Variants in DGKI observed in about 807,000 individuals in gnomAD.
DGKI encodes the protein DAG kinase iota.
In DGKI, 55 loss-of-function variants were observed where a neutral mutation model predicts 147.5. That is an observed-to-expected ratio of 0.37 (90% CI 0.30 to 0.47). The LOEUF is 0.47. Among genes scored for constraint, DGKI ranks in the 20% least tolerant of loss-of-function variants. DGKI has a pLI of 1.00. For synonymous variants in DGKI, 469 were observed against 477.1 expected, an observed-to-expected ratio of 0.98 and a Z score of 0.22; for missense variants, 1,007 against 1,323.8, an observed-to-expected ratio of 0.76 and a Z score of 3.71.
intron 19 of DGKI, among the ~76,000 whole-genome samples, chr7:137,563,469 G>T (rs965314451): frequency 2.0e-5 from 3 of 151,758 alleles, no homozygotes; most frequent in Non-Finnish European, 2.9e-5. Context: ...AAAATGGAAA[G>T]GCATGTAAGG....
At chr7:137,695,231 CA>C (rs1823743240) in intron 1 of DGKI, among the ~76,000 whole-genome samples, 1 of 152,196 alleles carries the variant, frequency 6.6e-6, no homozygotes, top group African/African-American at 2.4e-5. Flanking sequence ...CACTGTTCCA[CA>C]CAGATGTGCA....
At chr7:137,577,781 C>T (rs1819037288) in intron 16 of DGKI, among the ~76,000 whole-genome samples, 1 of 152,058 alleles carries the variant, frequency 6.6e-6, no homozygotes, top group South Asian at 2.1e-4. Flanking sequence ...CTACTATGAA[C>T]GTGCCTGAGA....
At chr7:137,484,108 A>G (rs73445394) in intron 23 of DGKI, among the ~76,000 whole-genome samples, 3,313 of 152,154 alleles carry the variant, frequency 0.022, 116 homozygotes, top group African/African-American at 0.076. Flanking sequence ...AGACAGATGG[A>G]AGAAAGAACT....
chr7:137,428,305 T>C (rs1448524768), intron 28 of DGKI, among the ~76,000 whole-genome samples: 2 of 152,152 alleles, frequency 1.3e-5, no homozygotes, highest in Non-Finnish European at 2.9e-5. Context: ...AAAAACCACA[T>C]GATTATCTCA....
At chr7:137,479,753 T>C (rs1815305828) in intron 23 of DGKI, among the ~76,000 whole-genome samples, 1 of 152,144 alleles carries the variant, frequency 6.6e-6, no homozygotes, top group African/African-American at 2.4e-5. Context: ...TAATGGCCAA[T>C]CAATAATCAC....
chr7:137,402,857 G>C (rs960497959), intron 30 of DGKI, among the ~76,000 whole-genome samples: 1 of 151,836 alleles, frequency 6.6e-6, no homozygotes, highest in Admixed American at 6.6e-5. Flanking sequence ...AGAAAAAGGG[G>C]GGTTAAAAAA....
intron 3 of DGKI, among the ~76,000 whole-genome samples, chr7:137,673,231 C>T (rs1295566338): frequency 6.6e-6 from 1 of 152,116 alleles, no homozygotes; most frequent in Non-Finnish European, 1.5e-5. Context: ...GTCAGGACTT[C>T]GACATATCTT....
chr7:137,523,756 A>G (rs1033559672), intron 20 of DGKI, among the ~76,000 whole-genome samples: 2 of 152,148 alleles, frequency 1.3e-5, no homozygotes, highest in Admixed American at 6.6e-5. Context: ...GTGATTGGAG[A>G]TACAGCTTGA....
rs147410857 is a variant in DGKI at position 137,491,415 on chromosome 7, G to C, written c.2249-3726C>G. On this transcript the variant is annotated intron_variant, in intron 21 of 32. Coordinates refer to ENST00000614521, the MANE Select transcript of DGKI (RefSeq NM_001321708.2). ...TGGAAAACTCATCTCAATGGAATCT[G>C]ACAAAACCATGAGGAAATATATTAA... Among the ~76,000 whole-genome samples, 873 of 152,202 alleles carry C rather than the reference G, an allele frequency of 5.7e-3. 5 individuals carry two copies. The highest frequency in any genetic ancestry group is 9.6e-3 in the Non-Finnish European group (653 of 68,006).
At position 137,731,745 on chromosome 7, in the gene DGKI, C is replaced by T. The variant is rs777865559; in HGVS notation, c.402-41743G>A. The stretch of plus-strand genomic sequence containing the variant: ...CGGCTTCCTAAATCTGGCCTCGCCA[C>T]TGAATAGACATAACCACAGGTCTTC... On this transcript the variant is annotated intron_variant, in intron 1 of 32. Transcript: ENST00000614521. Among the ~76,000 whole-genome samples the T allele has an allele frequency of 4.6e-5, 7 of 152,064 alleles. No individual in the cohort carries two copies. The South Asian group carries it at 1.4e-3, about 31-fold the overall frequency.
intron 18 of DGKI, 132 bp from the exon 19 acceptor site, chr7:137,571,418 C>A: frequency 1.6e-6 from 1 of 642,066 alleles, no homozygotes; most frequent in Non-Finnish European, 2.7e-6. Flanking sequence ...TACACACCTT[C>A]CATTAGAAAA....
At chr7:137,471,324 G>C (rs1156374950) in intron 23 of DGKI, among the ~76,000 whole-genome samples, 1 of 152,184 alleles carries the variant, frequency 6.6e-6, no homozygotes, top group East Asian at 1.9e-4. Flanking sequence ...AGACTTGGCA[G>C]CTGAAGCCGC....
intron 28 of DGKI, among the ~76,000 whole-genome samples, chr7:137,422,691 G>C (rs950666333): frequency 5.5e-5 from 7 of 126,920 alleles, no homozygotes; most frequent in African/African-American, 2.1e-4. Context: ...TGCAAGCTCT[G>C]CCTCCCGGGT....
intron 21 of DGKI, among the ~76,000 whole-genome samples, chr7:137,521,552 T>C (rs981741786): frequency 3.3e-5 from 5 of 152,124 alleles, no homozygotes; most frequent in Admixed American, 3.3e-4. Flanking sequence ...TGGATGGTGC[T>C]ATACCATTGG....
chr7:137,708,723 A>G (rs547511242), intron 1 of DGKI, among the ~76,000 whole-genome samples: 25 of 152,346 alleles, frequency 1.6e-4, no homozygotes, highest in African/African-American at 4.1e-4. Flanking sequence ...CAGACAATAC[A>G]TAAGTAAGCA....
intron 1 of DGKI, among the ~76,000 whole-genome samples, chr7:137,830,293 C>T (rs1798180650): frequency 6.6e-6 from 1 of 152,200 alleles, no homozygotes; most frequent in Non-Finnish European, 1.5e-5. Context: ...CAAAGCTATG[C>T]CTATGGTATG....
At chr7:137,653,700 G>A (rs906622628) in intron 5 of DGKI, among the ~76,000 whole-genome samples, 4 of 152,188 alleles carry the variant, frequency 2.6e-5, no homozygotes, top group Non-Finnish European at 5.9e-5. Flanking sequence ...TTACTACACA[G>A]AGCTGATCTG....
chr7:137,619,417 T>C (rs1354580819), intron 8 of DGKI, among the ~76,000 whole-genome samples: 6 of 152,182 alleles, frequency 3.9e-5, no homozygotes, highest in Non-Finnish European at 5.9e-5. Context: ...GCAGGAATCT[T>C]AACCAAACCA....
chr7:137,678,882 C>T (rs1823132566), intron 2 of DGKI, among the ~76,000 whole-genome samples: 1 of 152,154 alleles, frequency 6.6e-6, no homozygotes, highest in Non-Finnish European at 1.5e-5. Context: ...AGGTTTATAG[C>T]TGCTTTATCC....
Sources: allele counts gnomAD v4.1 joint callset (sites outside exome capture counted in the v4.1 genomes callset), GRCh38; gene constraint gnomAD v4.1.1; transcripts MANE v1.5; gene names NCBI Gene and HGNC (gene_info 2026-07-23, HGNC 2026-07-21).